Variants in MOV10L1 observed in about 807,000 individuals in gnomAD.
The protein encoded by MOV10L1 is Mov10 like RNA helicase 1.
A neutral mutation model predicts 143.8 loss-of-function variants in MOV10L1; 110 were observed. That is an observed-to-expected ratio of 0.76 (90% CI 0.66 to 0.90). The LOEUF is 0.90. MOV10L1 is among the 40% of genes least tolerant of loss of function. The pLI, the probability that MOV10L1 is intolerant of heterozygous loss-of-function variation, is 0.00. For synonymous variants in MOV10L1, 593 were observed against 581.1 expected, an observed-to-expected ratio of 1.02 and a Z score of -0.29; for missense variants, 1,406 against 1,526.8, an observed-to-expected ratio of 0.92 and a Z score of 1.32.
intron 17 of MOV10L1, 54 bp downstream of exon 17, chr22:50,143,275 G>T (rs761584765): frequency 3.2e-6 from 5 of 1,565,918 alleles, no homozygotes; most frequent in South Asian, 2.2e-5. Context: ...TTCATGTGTC[G>T]TCTGTGTCTT....
chr22:50,160,760 A>C lies in MOV10L1; in HGVS notation c.3397A>C (p.Asn1133His). Residue 1133 changes from asparagine to histidine, a missense_variant, in exon 25 of 27, where the codon AAT (asparagine) becomes CAT (histidine). By Grantham distance (68) the Asn-to-His change is moderately conservative. Around this residue, in one of 3 missense-constraint regions of MOV10L1, gnomAD observed 1,233 missense variants for 1,351.4 expected, o/e 0.91. Coordinates refer to ENST00000262794, the MANE Select transcript of MOV10L1 (RefSeq NM_018995.3). ...LGFLSNSKRF[N>H]VAITRPKALL... ...TTTCTTGTCCAACTCAAAAAGATTTAATGTTGCAATCACCAGACCCAAAGC... is the reference window on the plus strand; with the variant it reads ...TTTCTTGTCCAACTCAAAAAGATTTCATGTTGCAATCACCAGACCCAAAGC... 1 of 1,614,114 alleles carries C rather than the reference A, an allele frequency of 6.2e-7. No individual in the cohort carries two copies. The highest frequency in any genetic ancestry group is 8.5e-7 in the Non-Finnish European group (1 of 1,180,006).
rs1457039604 is a variant in MOV10L1 at position 50,144,693 on chromosome 22, G to T, written c.2505+450G>T. On this transcript the variant is annotated intron_variant, in intron 18 of 26. Transcript: ENST00000262794. ...GCCTCCCAGGTTCACACCATTCTCT[G>T]GCCTCAGCCTCCCAAGTAGCTGGGA... 3.3e-4 allele frequency among the ~76,000 whole-genome samples: 49 copies of T among 149,038 alleles called. 1 individual carries two copies. The highest frequency in any genetic ancestry group is 6.7e-4 in the Admixed American group (10 of 14,948).
At chr22:50,143,964 T>G (rs2063062887) in intron 17 of MOV10L1, 133 bp from the exon 18 acceptor site, 3 of 1,167,454 alleles carry the variant, frequency 2.6e-6, no homozygotes, top group African/African-American at 1.5e-5. Flanking sequence ...CAGGTCTCAG[T>G]GTGTTGGGGG....
chr22:50,097,696 A>G (rs2062624266), intron 2 of MOV10L1, among the ~76,000 whole-genome samples: 1 of 152,232 alleles, frequency 6.6e-6, no homozygotes, highest in South Asian at 2.1e-4. Context: ...TGAAACCTTC[A>G]ATTTTGTTAC....
At chr22:50,142,282 A>G in intron 16 of MOV10L1, 93 bp downstream of exon 16, 1 of 967,166 alleles carries the variant, frequency 1.0e-6, no homozygotes, top group Non-Finnish European at 1.5e-6. Flanking sequence ...TGCAGAAGGA[A>G]GAACAGTAGG....
chr22:50,099,798 A>G (rs1180586040), intron 3 of MOV10L1, among the ~76,000 whole-genome samples, 196 bp downstream of exon 3: 1 of 152,056 alleles, frequency 6.6e-6, no homozygotes, highest in African/African-American at 2.4e-5. Flanking sequence ...GGGTGACAGA[A>G]CACAACCCTG....
chr22:50,129,492 C>T (rs2062611061), intron 13 of MOV10L1, among the ~76,000 whole-genome samples: 2 of 152,166 alleles, frequency 1.3e-5, no homozygotes, highest in South Asian at 2.1e-4. Context: ...CATTGGTTTG[C>T]GGTTGTGTGA....
At chr22:50,157,882 A>AT (rs759225030) in intron 22 of MOV10L1, among the ~76,000 whole-genome samples, 175 bp from the exon 23 acceptor site, 10 of 148,072 alleles carry the variant, frequency 6.8e-5, no homozygotes, top group Non-Finnish European at 1.4e-4. Context: ...ACTGTGAGCC[A>AT]TTTCATCATT....
intron 2 of MOV10L1, among the ~76,000 whole-genome samples, chr22:50,096,614 T>C (rs2147023079): frequency 6.6e-6 from 1 of 152,356 alleles, no homozygotes; most frequent in African/African-American, 2.4e-5. Flanking sequence ...CTGCCACTTT[T>C]TCTGTATCCT....
At chr22:50,134,451 T>A in intron 14 of MOV10L1, 79 bp from the exon 15 acceptor site, 1 of 1,141,160 alleles carries the variant, frequency 8.8e-7, no homozygotes, top group Non-Finnish European at 1.3e-6. Flanking sequence ...TGCTTTAGGG[T>A]CAGCCATAAA....
chr22:50,141,449 C>G (rs2062984086), intron 15 of MOV10L1, among the ~76,000 whole-genome samples: 1 of 151,792 alleles, frequency 6.6e-6, no homozygotes, highest in Non-Finnish European at 1.5e-5. Flanking sequence ...CCACCTCAGC[C>G]TGCCAAGTAG....
intron 3 of MOV10L1, among the ~76,000 whole-genome samples, chr22:50,107,264 C>T (rs927976817): frequency 1.4e-5 from 2 of 146,582 alleles, no homozygotes; most frequent in African/African-American, 2.6e-5. Context: ...TTAGTAGAGA[C>T]GGGGTTTCAC....
In MOV10L1 at chr22:50,108,588, G is replaced by T. The variant is rs111648284; in HGVS notation, c.556-69G>T. ...TTGTGTGCTTTGGGCTGACTTGGGC[G>T]TGTGTTAGAGCTGCGCCCTGTCGTC... On this transcript the variant is annotated intron_variant, in intron 4 of 26. Transcript: ENST00000262794. 3 of 1,548,364 alleles carry T rather than the reference G, an allele frequency of 1.9e-6. No individual in the cohort carries two copies. The South Asian group carries it at 3.5e-5, about 18-fold the overall frequency.
chr22:50,128,249 C>G (rs527348337), intron 12 of MOV10L1, among the ~76,000 whole-genome samples, 167 bp from the exon 13 acceptor site: 37 of 152,304 alleles, frequency 2.4e-4, no homozygotes, highest in African/African-American at 8.9e-4. Context: ...GATCCATTTC[C>G]TCTTGTTTGT....
At chr22:50,130,158 C>T (rs942318440) in intron 13 of MOV10L1, among the ~76,000 whole-genome samples, 1 of 152,034 alleles carries the variant, frequency 6.6e-6, no homozygotes, top group African/African-American at 2.4e-5. Flanking sequence ...GCCTGCAGTC[C>T]CAGCTACTTG....
At chr22:50,148,145 C>T (rs1331558619) in intron 19 of MOV10L1, among the ~76,000 whole-genome samples, 2 of 152,218 alleles carry the variant, frequency 1.3e-5, no homozygotes, top group African/African-American at 4.8e-5. Context: ...GAGGACGGTG[C>T]GGGCCCAAGG....
chr22:50,135,937 T>C (rs752883242), intron 15 of MOV10L1, among the ~76,000 whole-genome samples: 3 of 152,148 alleles, frequency 2.0e-5, no homozygotes, highest in African/African-American at 2.4e-5. Context: ...TTACAACTTA[T>C]TTTGTGCTAT....
At chr22:50,112,197 G>T (rs1335696969) in intron 5 of MOV10L1, among the ~76,000 whole-genome samples, 1 of 152,212 alleles carries the variant, frequency 6.6e-6, no homozygotes, top group Non-Finnish European at 1.5e-5. Context: ...CTTTGGGAGG[G>T]TGCCTAGGGC....
Position 50,143,125 on chromosome 22 carries a change from A to C in MOV10L1, c.2262A>C (p.Lys754Asn). The C allele has an allele frequency of 6.2e-7, 1 of 1,614,182 alleles. No homozygotes were observed. Among genetic ancestry groups the C allele is most frequent in the Non-Finnish European group, 8.5e-7 (1 of 1,179,996 alleles). Residue 754 changes from lysine to asparagine, a missense_variant, in exon 17 of 27, where the codon AAA becomes AAC. Around this residue, in one of 3 missense-constraint regions of MOV10L1, gnomAD observed 1,233 missense variants for 1,351.4 expected, o/e 0.91. Transcript: ENST00000262794. ...VLNENQKLAVKRILSGDCRPL... is the reference protein window; with the variant it reads ...VLNENQKLAVNRILSGDCRPL... ...ATGAAAATCAGAAGTTAGCAGTTAA[A>C]AGGATTCTGAGTGGTGACTGCCGTC...
Sources: allele counts gnomAD v4.1 joint callset (sites outside exome capture counted in the v4.1 genomes callset), GRCh38; gene constraint gnomAD v4.1.1; regional missense constraint gnomAD v4.1.1; transcripts MANE v1.5; gene names NCBI Gene and HGNC (gene_info 2026-07-23, HGNC 2026-07-21).